Variants in PTPN14 observed in about 807,000 individuals in gnomAD.
PTPN14 encodes protein tyrosine phosphatase non-receptor type 14.
In PTPN14, 53 loss-of-function variants were observed where a neutral mutation model predicts 126.8. That is an observed-to-expected ratio of 0.42 (90% CI 0.34 to 0.53). PTPN14 has a LOEUF of 0.53. Ranked by LOEUF, PTPN14 falls within the 20% of genes least tolerant of loss-of-function variation. The pLI is 0.08. For missense variants in PTPN14, 1,257 were observed against 1,552.9 expected (o/e 0.81, Z 3.20); for synonymous variants, 630 against 599.3 (o/e 1.05, Z -0.75).
chr1:214,383,618 T>C lies in PTPN14; in HGVS notation c.2237A>G (p.Asn746Ser), dbSNP rs745790629. The C allele has an allele frequency of 9.9e-6, 16 of 1,613,324 alleles. No homozygotes were observed. Among genetic ancestry groups the C allele is most frequent in the East Asian group, 6.7e-5 (3 of 44,880 alleles). ...ACCGGGGTACTCAGGCGGGGGCTTGTTGGGGATGCGGGCCAGGGCCGCCTG... is the reference window on the plus strand; with the variant it reads ...ACCGGGGTACTCAGGCGGGGGCTTGCTGGGGATGCGGGCCAGGGCCGCCTG... ...QLQAALARIPNKPPPEYPGPR... is the reference protein window; with the variant it reads ...QLQAALARIPSKPPPEYPGPR... The change falls in exon 13 of 19, where the codon AAC becomes AGC. Residue 746 changes from asparagine to serine, a missense_variant. Coordinates refer to ENST00000366956, the MANE Select transcript of PTPN14 (RefSeq NM_005401.5). The surrounding 1 kb of genome is among the most constrained non-coding windows in gnomAD (Gnocchi z 4.4).
At chr1:214,370,829 T>C (rs1179658250) in intron 16 of PTPN14, among the ~76,000 whole-genome samples, 1 of 152,144 alleles carries the variant, frequency 6.6e-6, no homozygotes, top group Non-Finnish European at 1.5e-5. Flanking sequence ...ACTGAACACA[T>C]ACAGCTGCAG....
intron 2 of PTPN14, among the ~76,000 whole-genome samples, chr1:214,463,668 C>T (rs936679158): frequency 6.6e-6 from 1 of 152,166 alleles, no homozygotes; most frequent in Non-Finnish European, 1.5e-5. Flanking sequence ...TCACTTCCAA[C>T]AGTGATTGCC....
rs140876112 is a variant in PTPN14 at position 214,404,993 on chromosome 1, A to G, written c.511-2040T>C. ...GGCCTGGCATGCAGACCATTCTTCA[A>G]TGTGACTCAGCTTCCCCTTCCAGAC... On this transcript the variant is annotated intron_variant, in intron 5 of 18. Coordinates refer to ENST00000366956, the MANE Select transcript of PTPN14 (RefSeq NM_005401.5). Among the ~76,000 whole-genome samples the G allele has an allele frequency of 1.2e-4, 18 of 152,266 alleles. No homozygotes were observed. In the East Asian group the frequency reaches 1.4e-3, roughly 11 times the overall value.
At chr1:214,517,419 A>T (rs1041345412) in intron 1 of PTPN14, among the ~76,000 whole-genome samples, 1 of 152,098 alleles carries the variant, frequency 6.6e-6, no homozygotes, top group Non-Finnish European at 1.5e-5. Flanking sequence ...GACAAAGTGC[A>T]CATTGAATCT....
At chr1:214,417,887 C>T (rs773038090) in intron 3 of PTPN14, among the ~76,000 whole-genome samples, 1 of 152,066 alleles carries the variant, frequency 6.6e-6, no homozygotes, top group Non-Finnish European at 1.5e-5. Context: ...CAGGAGAGAG[C>T]CATGTAAAAC....
intron 1 of PTPN14, chr1:214,528,272 T>C (rs1571648525): frequency 6.6e-6 from 1 of 152,176 alleles, no homozygotes; most frequent in Non-Finnish European, 1.5e-5. Flanking sequence ...AGACACTATA[T>C]GTACAAAGAC....
At position 214,448,983 on chromosome 1, in the gene PTPN14, T is replaced by C. The variant is rs1033988007; in HGVS notation, c.344+2822A>G. Among the ~76,000 whole-genome samples, 8 of 151,620 alleles carry C rather than the reference T, an allele frequency of 5.3e-5. No homozygotes were observed. The East Asian group carries it at 1.2e-3, about 22-fold the overall frequency. On this transcript the variant is annotated intron_variant, in intron 3 of 18. Coordinates refer to ENST00000366956, the MANE Select transcript of PTPN14 (RefSeq NM_005401.5). ...TCTGTAAATATCTAAAGGCAGCTAC[T>C]ACTGTGCCCTTGTAAGACTTAATTT...
In PTPN14 at chr1:214,351,560, G is replaced by A. The variant is rs1265893214; in HGVS notation, c.*6362C>T. The A allele has an allele frequency of 6.6e-6, 1 of 152,264 alleles. No homozygotes were observed. Among genetic ancestry groups the A allele is most frequent in the East Asian group, 1.9e-4 (1 of 5,200 alleles). The allele number at this position is 152,264 out of a possible 1,614,324, so 9.4% of individuals were successfully genotyped here. A position where few individuals can be genotyped will look rare whatever the true frequency, so the allele number is the denominator to read the frequency against. ...TCCAAGAGCCGGGGCTGCTAACTCT[G>A]GGAGCCACATGGGTAAGCAGAATGC... On this transcript the variant is annotated 3_prime_UTR_variant, in exon 19 of 19. Transcript: ENST00000366956.
chr1:214,396,176 T>C (rs892625263), intron 8 of PTPN14, among the ~76,000 whole-genome samples: 1 of 152,182 alleles, frequency 6.6e-6, no homozygotes, highest in South Asian at 2.1e-4. Context: ...AGTCCGATTC[T>C]TACACCAACT....
At position 214,420,073 on chromosome 1, in the gene PTPN14, A is replaced by G. The variant is rs76323049; in HGVS notation, c.345-5347T>C. On this transcript the variant is annotated intron_variant, in intron 3 of 18. Coordinates refer to ENST00000366956, the MANE Select transcript of PTPN14 (RefSeq NM_005401.5). ...ACATTTAATGACTGTTCAAGTTGACAGTCAATTAAAAGTCTGCACTGTCTA... is the reference window on the plus strand; with the variant it reads ...ACATTTAATGACTGTTCAAGTTGACGGTCAATTAAAAGTCTGCACTGTCTA... Among the ~76,000 whole-genome samples, 465 of 152,368 alleles carry G rather than the reference A, an allele frequency of 3.1e-3. 11 individuals are homozygous for G. The East Asian group carries it at 0.053, about 17-fold the overall frequency.
At chr1:214,434,922 A>G (rs147315554) in intron 3 of PTPN14, among the ~76,000 whole-genome samples, 1 of 152,298 alleles carries the variant, frequency 6.6e-6, no homozygotes, top group East Asian at 1.9e-4. Flanking sequence ...TGAAAGAGGG[A>G]TTCAATTTGA....
At chr1:214,491,034 GAAGA>G (rs201746940) in intron 1 of PTPN14, among the ~76,000 whole-genome samples, 13,349 of 145,488 alleles carry the variant, frequency 0.092, 726 homozygotes, top group Non-Finnish European at 0.1. Flanking sequence ...AGGAAGGAAG[GAAGA>G]AAGAAAGAAA....
intron 1 of PTPN14, among the ~76,000 whole-genome samples, chr1:214,473,111 TG>T (rs1660797261): frequency 6.6e-6 from 1 of 152,212 alleles, no homozygotes; most frequent in African/African-American, 2.4e-5. Flanking sequence ...CTATTAACTG[TG>T]GATTTCCAGT....
At position 214,394,943 on chromosome 1, in the gene PTPN14, G is replaced by C. The variant is rs765413797; in HGVS notation, c.802C>G (p.Leu268Val). ...TCTTCTTTGTTGATGAGCTCCACTA[G>C]AATGGTCGACTTGTTATGAGTGATA... is the stretch of plus-strand genomic sequence containing the variant. ...GNITHNKSTI[L>V]VELINKEETA... Residue 268 changes from leucine to valine, a missense_variant, in exon 9 of 19, where the codon CTA becomes GTA. Leu to Val is a conservative substitution (Grantham distance 32, BLOSUM62 1). This residue lies in a region of PTPN14 where 1,021 missense variants were observed against 1,183.3 expected (regional missense o/e 0.86). Coordinates refer to ENST00000366956, the MANE Select transcript of PTPN14 (RefSeq NM_005401.5). 2 of 1,613,824 alleles carry C rather than the reference G, an allele frequency of 1.2e-6. No homozygotes were observed. The highest frequency in any genetic ancestry group is 1.1e-5 in the South Asian group (1 of 91,068).
At chr1:214,489,376 C>T (rs1661182619) in intron 1 of PTPN14, among the ~76,000 whole-genome samples, 1 of 152,156 alleles carries the variant, frequency 6.6e-6, no homozygotes, top group South Asian at 2.1e-4. Flanking sequence ...CCACCCTTTT[C>T]CCATATGCGC....
chr1:214,383,478 G>A lies in PTPN14; in HGVS notation c.2377C>T (p.Arg793Trp), dbSNP rs780710386. Residue 793 changes from arginine (R) to tryptophan (W), a missense_variant, in exon 13 of 19, where the codon CGG (arginine) becomes TGG (tryptophan). This residue lies in a region of PTPN14 where 1,021 missense variants were observed against 1,183.3 expected (regional missense o/e 0.86). Transcript: ENST00000366956. The surrounding 1 kb of genome is among the most constrained non-coding windows in gnomAD (Gnocchi z 4.4). ...CCGTTGACAGCCGGCGGGTCAGTCC[G>A]AGACATGCTGATGGCCTTGGCTGGC... ...HGPAKAISMS[R>W]TDPPAVNGAS... 29 of 1,614,128 alleles carry A rather than the reference G, an allele frequency of 1.8e-5. No individual in the cohort carries two copies. Among genetic ancestry groups the A allele is most frequent in the Admixed American group, 1.3e-4 (8 of 60,016 alleles).
intron 3 of PTPN14, among the ~76,000 whole-genome samples, chr1:214,433,577 G>A (rs753749816): frequency 9.2e-5 from 14 of 151,868 alleles, no homozygotes; most frequent in Non-Finnish European, 7.4e-5. Context: ...ACAAATAGTC[G>A]TCATCACCAC....
intron 1 of PTPN14, among the ~76,000 whole-genome samples, chr1:214,500,164 T>C (rs1033724515): frequency 1.3e-5 from 2 of 152,060 alleles, no homozygotes; most frequent in African/African-American, 2.4e-5. Context: ...GAATCAAAGT[T>C]TCCAGAAAAA....
intron 18 of PTPN14, among the ~76,000 whole-genome samples, chr1:214,358,268 A>G (rs1399773465): frequency 3.9e-5 from 6 of 152,102 alleles, no homozygotes; most frequent in South Asian, 4.1e-4. Context: ...TTTTATTTTT[A>G]TTTAATTTCA....
Sources: allele counts gnomAD v4.1 joint callset (sites outside exome capture counted in the v4.1 genomes callset), GRCh38; gene constraint gnomAD v4.1.1; regional missense constraint gnomAD v4.1.1; non-coding constraint Gnocchi (gnomAD v3.1); transcripts MANE v1.5; gene names NCBI Gene and HGNC (gene_info 2026-07-23, HGNC 2026-07-21).